GTF2I: variants seen among roughly 807,000 people sequenced by gnomAD.
GTF2I encodes general transcription factor IIi.
GTF2I carries 12 observed loss-of-function variants against 67.6 expected under a neutral mutation model. The observed-to-expected ratio is 0.18, with a 90% CI of 0.11 to 0.29. GTF2I has a LOEUF of 0.29. GTF2I is among the 10% of genes least tolerant of loss of function. The pLI is 1.00. For synonymous variants in GTF2I, 149 were observed against 197.0 expected (o/e 0.76, Z 2.04); for missense variants, 271 against 580.1 (o/e 0.47, Z 5.47).
chr7:74,690,871 G>C, intron 2 of GTF2I, 102 bp from the exon 3 acceptor site: 1 of 1,080,356 alleles, frequency 9.3e-7, no homozygotes. Flanking sequence ...TCTTGAAAGA[G>C]AAGTACCTTT....
intron 1 of GTF2I, among the ~76,000 whole-genome samples, chr7:74,670,662 C>G (rs982854058): frequency 1.3e-4 from 19 of 150,434 alleles, no homozygotes; most frequent in African/African-American, 4.6e-4. Flanking sequence ...TGCATTCTAG[C>G]CTGAACGACA....
intron 9 of GTF2I, 145 bp from the exon 10 acceptor site, chr7:74,714,710 CTT>C: frequency 1.9e-6 from 1 of 529,772 alleles, no homozygotes; most frequent in Non-Finnish European, 3.3e-6. Flanking sequence ...CATTGCTCAT[CTT>C]GTCAGTCTTT....
At chr7:74,683,321 G>A (rs1787419043) in intron 1 of GTF2I, among the ~76,000 whole-genome samples, 1 of 152,172 alleles carries the variant, frequency 6.6e-6, no homozygotes, top group Admixed American at 6.6e-5. Context: ...GACAGTGGAA[G>A]CCAAAATATA....
intron 7 of GTF2I, among the ~76,000 whole-genome samples, 176 bp from the exon 8 acceptor site, chr7:74,706,214 G>A (rs587598095): frequency 6.6e-5 from 10 of 152,332 alleles, no homozygotes; most frequent in African/African-American, 1.7e-4. Flanking sequence ...CACTGTGCCC[G>A]GCCCAATAAC....
rs869183139 is a variant in GTF2I at position 74,730,713 on chromosome 7, CTTTTTTTT to C, written c.1120+439_1120+446del. ...ATCCCCCTATTGTCTCTACTTTTAT[CTTTTTTTT>C]TTTTTTTTTTTTTTTTTTTGAGACG... is the stretch of plus-strand genomic sequence containing the variant. On this transcript the variant is annotated intron_variant, in intron 14 of 34. Coordinates refer to ENST00000573035, the MANE Select transcript of GTF2I (RefSeq NM_032999.4). Among the ~76,000 whole-genome samples, 13 of 63,920 alleles carry C rather than the reference CTTTTTTTT, an allele frequency of 2.0e-4. 1 individual carries two copies. In the South Asian group the frequency reaches 3.6e-3, roughly 18 times the overall value. 41.9% of individuals were successfully genotyped at this position (63,920 alleles called of 152,430 possible). A position where few individuals can be genotyped will look rare whatever the true frequency, so the allele number is the denominator to read the frequency against.
chr7:74,688,954 T>C (rs782030344), intron 1 of GTF2I, 170 bp from the exon 2 acceptor site: 4 of 532,496 alleles, frequency 7.5e-6, no homozygotes, highest in South Asian at 5.6e-5. Context: ...ATAGATTCTT[T>C]ATCTTATGAG....
chr7:74,731,544 T>A (rs1424330720), intron 14 of GTF2I, among the ~76,000 whole-genome samples: 2 of 86,052 alleles, frequency 2.3e-5, no homozygotes, highest in African/African-American at 9.5e-5. Context: ...GTTTTTTGTT[T>A]TGTTGTTGTT....
chr7:74,692,670 C>T (rs1172521370), intron 3 of GTF2I, among the ~76,000 whole-genome samples: 1 of 152,154 alleles, frequency 6.6e-6, no homozygotes, highest in Non-Finnish European at 1.5e-5. Flanking sequence ...CTGATTGATA[C>T]AGCATTTTCT....
At chr7:74,666,821 A>G (rs1414299057) in intron 1 of GTF2I, among the ~76,000 whole-genome samples, 2 of 151,778 alleles carry the variant, frequency 1.3e-5, no homozygotes, top group African/African-American at 4.8e-5. Context: ...CAAAAAAAAA[A>G]AAAAAAAAAT....
chr7:74,658,721 G>C (rs1804179938), intron 1 of GTF2I, among the ~76,000 whole-genome samples: 1 of 151,432 alleles, frequency 6.6e-6, no homozygotes, highest in Admixed American at 6.6e-5. Context: ...AGTGGGCTTT[G>C]TCCCGGGCCG....
intron 1 of GTF2I, among the ~76,000 whole-genome samples, 168 bp downstream of exon 1, chr7:74,658,236 C>T (rs1444732901): frequency 5.3e-5 from 8 of 150,326 alleles, no homozygotes; most frequent in African/African-American, 1.9e-4. Context: ...CCCGTGCCGC[C>T]TCCCCCTACC....
intron 14 of GTF2I, among the ~76,000 whole-genome samples, chr7:74,730,658 T>G (rs1375629246): frequency 6.6e-6 from 1 of 150,944 alleles, no homozygotes; most frequent in Non-Finnish European, 1.5e-5. Context: ...TTTCTGTTAA[T>G]CTACTTTGTT....
chr7:74,679,225 C>T (rs1381158411), intron 1 of GTF2I, among the ~76,000 whole-genome samples: 13 of 150,726 alleles, frequency 8.6e-5, no homozygotes, highest in Non-Finnish European at 1.9e-4. Flanking sequence ...ATTACAGGCG[C>T]CCACCACACC....
chr7:74,669,622 G>A (rs1364414380), intron 1 of GTF2I, among the ~76,000 whole-genome samples: 1 of 151,160 alleles, frequency 6.6e-6, no homozygotes, highest in African/African-American at 2.4e-5. Flanking sequence ...TGAAACCTCC[G>A]CCTCCTGTTC....
chr7:74,700,472 G>T (rs193037615), intron 5 of GTF2I, 42 bp downstream of exon 5: 1 of 1,606,896 alleles, frequency 6.2e-7, no homozygotes, highest in Admixed American at 1.7e-5. Flanking sequence ...CAGTTGATTC[G>T]TATAAATTTG....
intron 3 of GTF2I, among the ~76,000 whole-genome samples, chr7:74,695,572 A>G (rs782138913): frequency 6.6e-6 from 1 of 152,222 alleles, no homozygotes; most frequent in Non-Finnish European, 1.5e-5. Flanking sequence ...TTAGTGAACA[A>G]AAAGTTTTGT....
Position 74,717,018 on chromosome 7 carries a change from A to G in GTF2I, c.880+68A>G, listed in dbSNP as rs998408951. 12 of 1,538,524 alleles carry G rather than the reference A, an allele frequency of 7.8e-6. No individual in the cohort carries two copies. In the East Asian group the frequency reaches 9.2e-5, roughly 12 times the overall value. On this transcript the variant is annotated intron_variant, in intron 11 of 34. Coordinates refer to ENST00000573035, the MANE Select transcript of GTF2I (RefSeq NM_032999.4). ...ATGTTTATTCTATTTTATAGATTCT[A>G]TTATCCTTAAAACACCTTATTTGGA... is the stretch of plus-strand genomic sequence containing the variant.
intron 1 of GTF2I, among the ~76,000 whole-genome samples, chr7:74,672,544 A>AAAAC (rs782360572): frequency 1.3e-5 from 2 of 152,100 alleles, no homozygotes; most frequent in African/African-American, 4.8e-5. Context: ...TGTCTCAAGA[A>AAAAC]AAACAAACAA....
At chr7:74,715,699 A>G (rs1444221013) in intron 10 of GTF2I, among the ~76,000 whole-genome samples, 2 of 152,094 alleles carry the variant, frequency 1.3e-5, no homozygotes, top group Non-Finnish European at 2.9e-5. Flanking sequence ...GCATATTTTA[A>G]AAATGAATTA....
Sources: allele counts gnomAD v4.1 joint callset (sites outside exome capture counted in the v4.1 genomes callset), GRCh38; gene constraint gnomAD v4.1.1; transcripts MANE v1.5; gene names NCBI Gene and HGNC (gene_info 2026-07-23, HGNC 2026-07-21).